The following COL18A1 variants were observed in gnomAD, a reference collection of about 807,000 sequenced individuals.
The protein encoded by COL18A1 is collagen type XVIII alpha 1 chain, also known as collagen alpha-1(XVIII) chain.
In COL18A1, 133 loss-of-function variants were observed where a neutral mutation model predicts 168.0. That is an observed-to-expected ratio of 0.79 (90% CI 0.69 to 0.91). COL18A1 has a LOEUF of 0.91. Ranked by LOEUF, COL18A1 falls within the 40% of genes least tolerant of loss-of-function variation. COL18A1 has a pLI of 0.00. For missense variants in COL18A1, 2,126 were observed against 1,925.4 expected (o/e 1.10, Z -1.95); for synonymous variants, 949 against 809.0 (o/e 1.17, Z -2.94).
At chr21:45,497,130 TGAAG>T in intron 31 of COL18A1, 38 bp downstream of exon 31, 11 of 1,345,016 alleles carry the variant, frequency 8.2e-6, no homozygotes, top group African/African-American at 1.4e-5. Flanking sequence ...ACACAGGCTC[TGAAG>T]GGATGCTCCA....
At position 45,446,928 on chromosome 21, in the gene COL18A1, T is replaced by C. The variant is rs571363163; in HGVS notation, c.107-21314T>C. ...ATCATCTCAATAGATGCAGAGAAAGTATTGGACAAAATTCAACACCATTCA... is the reference window on the plus strand; with the variant it reads ...ATCATCTCAATAGATGCAGAGAAAGCATTGGACAAAATTCAACACCATTCA... On this transcript the variant is annotated intron_variant, in intron 2 of 41. Transcript: ENST00000651438. Among the ~76,000 whole-genome samples, 8 of 152,234 alleles carry C rather than the reference T, an allele frequency of 5.3e-5. No individual in the cohort carries two copies. In the East Asian group the frequency reaches 1.5e-3, roughly 29 times the overall value.
intron 2 of COL18A1, among the ~76,000 whole-genome samples, chr21:45,426,393 C>G (rs781111252): frequency 6.6e-6 from 1 of 152,220 alleles, no homozygotes; most frequent in Non-Finnish European, 1.5e-5. Flanking sequence ...GTGTGAGCCA[C>G]CGAGCCTGGC....
At chr21:45,461,907 C>T (rs1306396611) in intron 2 of COL18A1, among the ~76,000 whole-genome samples, 1 of 152,216 alleles carries the variant, frequency 6.6e-6, no homozygotes, top group Non-Finnish European at 1.5e-5. Flanking sequence ...AGTGTCCTTT[C>T]ATTTTACCTG....
chr21:45,466,464 C>T (rs1423965839), intron 2 of COL18A1, among the ~76,000 whole-genome samples: 2 of 150,780 alleles, frequency 1.3e-5, no homozygotes, highest in East Asian at 1.9e-4. Context: ...GTTGAGCTCT[C>T]GCACCCGGGA....
At chr21:45,475,595 A>G in intron 5 of COL18A1, 60 bp downstream of exon 5, 2 of 1,426,754 alleles carry the variant, frequency 1.4e-6, no homozygotes, top group Non-Finnish European at 9.7e-7. Context: ...CCCTCCCAGC[A>G]GTGGGGTGAC....
chr21:45,436,250 ACCCTCAGCCAGGAGGT>A (rs1477341340), intron 2 of COL18A1, among the ~76,000 whole-genome samples: 8 of 151,718 alleles, frequency 5.3e-5, no homozygotes, highest in Non-Finnish European at 1.2e-4. Context: ...GGCTGAGGAG[ACCCTCAGCCAGGAGGT>A]CCCAGGCCCA....
At chr21:45,487,532 G>T (rs750189451) in intron 17 of COL18A1, 23 bp downstream of exon 17, 2 of 1,611,658 alleles carry the variant, frequency 1.2e-6, no homozygotes, top group Non-Finnish European at 1.7e-6. Context: ...GCTGGGCGTG[G>T]CCGGCTCTGA....
At chr21:45,511,789 G>GT (rs1183272560) in intron 41 of COL18A1, among the ~76,000 whole-genome samples, 1 of 152,208 alleles carries the variant, frequency 6.6e-6, no homozygotes, top group Non-Finnish European at 1.5e-5. Flanking sequence ...CCTGCCAAGG[G>GT]TCTCTGACAG....
At chr21:45,509,935 G>A in intron 39 of COL18A1, 129 bp from the exon 40 acceptor site, 2 of 1,081,418 alleles carry the variant, frequency 1.8e-6, no homozygotes, top group Non-Finnish European at 2.6e-6. Context: ...TGTGTCACTT[G>A]CGCGCCTCCC....
chr21:45,430,109 G>A (rs868098306), intron 2 of COL18A1, among the ~76,000 whole-genome samples: 113 of 141,684 alleles, frequency 8.0e-4, no homozygotes, highest in African/African-American at 2.4e-3. Context: ...GCGCCCTCTC[G>A]TTGGGGACCC....
intron 2 of COL18A1, among the ~76,000 whole-genome samples, chr21:45,411,099 G>C (rs2033275393): frequency 6.6e-6 from 1 of 152,228 alleles, no homozygotes; most frequent in Non-Finnish European, 1.5e-5. Context: ...CCCTGTGGCA[G>C]GGAGGGGCAT....
chr21:45,502,308 G>T (rs2036909522), intron 32 of COL18A1, among the ~76,000 whole-genome samples: 1 of 152,234 alleles, frequency 6.6e-6, no homozygotes, highest in Non-Finnish European at 1.5e-5. Context: ...CAGGGGAACA[G>T]TCACAGGAGA....
At chr21:45,411,118 CAG>C (rs2033276142) in intron 2 of COL18A1, among the ~76,000 whole-genome samples, 2 of 152,182 alleles carry the variant, frequency 1.3e-5, no homozygotes. Context: ...ATGGGAGAGA[CAG>C]GGGTAGTGTC....
At chr21:45,442,593 G>A (rs1194595212) in intron 2 of COL18A1, among the ~76,000 whole-genome samples, 6 of 151,662 alleles carry the variant, frequency 4.0e-5, no homozygotes, top group Admixed American at 6.6e-5. Context: ...TGGTGTGGGC[G>A]GTGGTGCTGG....
At chr21:45,502,608 C>A (rs2036925479) in intron 32 of COL18A1, 1 of 152,200 alleles carries the variant, frequency 6.6e-6, no homozygotes, top group Non-Finnish European at 1.5e-5. Flanking sequence ...AGGCGAACAA[C>A]ATTCCTGCAC....
At chr21:45,474,296 T>A in intron 4 of COL18A1, among the ~76,000 whole-genome samples, 1 of 151,436 alleles carries the variant, frequency 6.6e-6, no homozygotes, top group African/African-American at 2.4e-5. Context: ...CTGTGTCTTG[T>A]GTGGTGTGTC....
chr21:45,488,354 G>A (rs144016732), intron 17 of COL18A1, 64 bp from the exon 18 acceptor site: 33 of 1,611,148 alleles, frequency 2.0e-5, no homozygotes, highest in East Asian at 1.8e-4. Context: ...CTTTTCTTGC[G>A]GCAGACGCAT....
At chr21:45,479,684 G>C (rs1395874158) in intron 9 of COL18A1, among the ~76,000 whole-genome samples, 1 of 152,164 alleles carries the variant, frequency 6.6e-6, no homozygotes, top group African/African-American at 2.4e-5. Flanking sequence ...CCTCCCGAGG[G>C]ATGCTGCCCG....
intron 9 of COL18A1, among the ~76,000 whole-genome samples, chr21:45,478,577 AGAAG>A (rs1223809239): frequency 6.6e-6 from 1 of 152,170 alleles, no homozygotes; most frequent in Non-Finnish European, 1.5e-5. Flanking sequence ...ACTACCATGA[AGAAG>A]GAAAGGAAGT....
Sources: allele counts gnomAD v4.1 joint callset (sites outside exome capture counted in the v4.1 genomes callset), GRCh38; gene constraint gnomAD v4.1.1; transcripts MANE v1.5; gene names NCBI Gene and HGNC (gene_info 2026-07-23, HGNC 2026-07-21).